SSH2: variants seen among roughly 807,000 people sequenced by gnomAD.
SSH2 encodes the protein slingshot protein phosphatase 2.
SSH2 carries 37 observed loss-of-function variants against 135.2 expected under a neutral mutation model. That is an observed-to-expected ratio of 0.27 (90% CI 0.21 to 0.36). SSH2 has a LOEUF of 0.36. Ranked by LOEUF, SSH2 falls within the 10% of genes least tolerant of loss-of-function variation. The probability of loss-of-function intolerance (pLI) is 1.00; values close to 1 mark genes in which losing one functional copy is unlikely to be tolerated. For missense variants in SSH2, 1,408 were observed against 1,765.3 expected (o/e 0.80, Z 3.63); for synonymous variants, 628 against 646.2 (o/e 0.97, Z 0.43).
At chr17:29,650,171 A>T (rs1352404091) in intron 13 of SSH2, among the ~76,000 whole-genome samples, 5 of 152,270 alleles carry the variant, frequency 3.3e-5, no homozygotes, top group Non-Finnish European at 7.3e-5. Context: ...AATTTAAGGA[A>T]GACATCAACA....
intron 3 of SSH2, among the ~76,000 whole-genome samples, chr17:29,758,088 T>A (rs2041188047): frequency 6.6e-6 from 1 of 151,708 alleles, no homozygotes; most frequent in South Asian, 2.1e-4. Context: ...AAAAAAGAAG[T>A]GGGAAAATAG....
At chr17:29,871,194 T>C (rs74797499) in intron 1 of SSH2, among the ~76,000 whole-genome samples, 25 of 152,182 alleles carry the variant, frequency 1.6e-4, no homozygotes, top group Non-Finnish European at 2.9e-4. Context: ...TTTTTTTTTT[T>C]CTCTTTATTT....
intron 2 of SSH2, among the ~76,000 whole-genome samples, chr17:29,831,396 A>G (rs1017183620): frequency 3.3e-5 from 5 of 152,178 alleles, no homozygotes; most frequent in African/African-American, 1.2e-4. Flanking sequence ...CAAATACAGT[A>G]TTTCCTATAT....
intron 1 of SSH2, among the ~76,000 whole-genome samples, chr17:29,850,412 C>A (rs1308197283): frequency 2.0e-5 from 3 of 152,188 alleles, no homozygotes; most frequent in African/African-American, 7.2e-5. Context: ...TCATGGCTAT[C>A]CTAGTTGATT....
At position 29,636,562 on chromosome 17, in the gene SSH2, G is replaced by A. The variant is rs778749063; in HGVS notation, c.1668C>T (p.Cys556=). ...GAAATTCCCTAGAAGTAAACTCCAA[G>A]CAGATCATTCTTTCTTTGGTACACA... ...KGLCTKERMI[C]LEFTSREFHA... is the part of the protein sequence containing the mutation. Residue 556 remains cysteine (C), a synonymous_variant, in exon 15 of 16, where the codon TGC becomes TGT. Transcript: ENST00000540801. 2.5e-6 allele frequency: 4 copies of A among 1,614,178 alleles called. No homozygotes were observed. The Admixed American group carries it at 6.7e-5, about 27-fold the overall frequency.
At chr17:29,659,729 C>T (rs1215620467) in intron 11 of SSH2, among the ~76,000 whole-genome samples, 6 of 152,160 alleles carry the variant, frequency 3.9e-5, no homozygotes, top group Non-Finnish European at 5.9e-5. Context: ...GGGGTTTCAC[C>T]GTGTTAGCCA....
intron 3 of SSH2, among the ~76,000 whole-genome samples, chr17:29,731,425 A>T (rs2447934): frequency 0.023 from 543 of 23,334 alleles, 4 homozygotes; most frequent in South Asian, 0.029. Flanking sequence ...TTTTTTATTT[A>T]TTTATTTATT....
At chr17:29,804,702 T>C (rs2151318021) in intron 2 of SSH2, among the ~76,000 whole-genome samples, 1 of 152,292 alleles carries the variant, frequency 6.6e-6, no homozygotes, top group Middle Eastern at 3.4e-3. Flanking sequence ...GCCAGGGTCA[T>C]GCTCTGTTGC....
intron 1 of SSH2, among the ~76,000 whole-genome samples, chr17:29,895,288 T>A (rs1378789278): frequency 8.3e-6 from 1 of 120,478 alleles, no homozygotes; most frequent in South Asian, 2.4e-4. Context: ...ATATTTTATA[T>A]ATACATTTTA....
intron 11 of SSH2, among the ~76,000 whole-genome samples, chr17:29,658,864 T>A (rs562638495): frequency 1.9e-5 from 2 of 107,882 alleles, no homozygotes; most frequent in Non-Finnish European, 3.4e-5. Flanking sequence ...CGAAACTCCG[T>A]CTCAAAAAAA....
intron 1 of SSH2, among the ~76,000 whole-genome samples, chr17:29,874,944 C>A (rs1055391330): frequency 1.3e-5 from 2 of 152,054 alleles, no homozygotes; most frequent in African/African-American, 4.8e-5. Context: ...CCCAAGTGAT[C>A]CCATTAGTAC....
chr17:29,801,928 A>G (rs1347374428), intron 2 of SSH2, among the ~76,000 whole-genome samples: 2 of 152,268 alleles, frequency 1.3e-5, no homozygotes, highest in Admixed American at 6.5e-5. Context: ...GCTCAGGAGT[A>G]GCCTGTGGCT....
At chr17:29,708,993 A>T (rs377686632) in intron 3 of SSH2, among the ~76,000 whole-genome samples, 2 of 65,826 alleles carry the variant, frequency 3.0e-5, no homozygotes, top group African/African-American at 5.8e-5. Flanking sequence ...CTAGTTAAGA[A>T]ATATATATAT....
At chr17:29,674,725 C>T (rs538040041) in intron 8 of SSH2, among the ~76,000 whole-genome samples, 10 of 152,146 alleles carry the variant, frequency 6.6e-5, no homozygotes, top group Admixed American at 2.0e-4. Flanking sequence ...TGGGCCACAT[C>T]GGAAGAACTG....
At chr17:29,783,589 C>T (rs955095601) in intron 3 of SSH2, among the ~76,000 whole-genome samples, 1 of 152,020 alleles carries the variant, frequency 6.6e-6, no homozygotes, top group Admixed American at 6.6e-5. Context: ...ATTGTGCCCA[C>T]CAGATTAACT....
intron 1 of SSH2, among the ~76,000 whole-genome samples, chr17:29,853,237 C>A (rs1316539561): frequency 6.6e-6 from 1 of 151,710 alleles, no homozygotes; most frequent in East Asian, 1.9e-4. Flanking sequence ...CAGGTGCACA[C>A]CACAACGACC....
At chr17:29,718,732 C>CAAAAAAAA (rs752148237) in intron 3 of SSH2, among the ~76,000 whole-genome samples, 1 of 77,320 alleles carries the variant, frequency 1.3e-5, no homozygotes, top group Non-Finnish European at 2.4e-5. Flanking sequence ...GATTTCACCT[C>CAAAAAAAA]AAAAAAAAAA....
In SSH2 at chr17:29,821,697, T is replaced by A. The variant is rs571337231; in HGVS notation, c.144+27152A>T. Among the ~76,000 whole-genome samples, 7 of 150,434 alleles carry A rather than the reference T, an allele frequency of 4.7e-5. No individual in the cohort carries two copies. In the South Asian group the frequency reaches 1.5e-3, roughly 32 times the overall value. ...GTCTCGCTCTGTTGCCAGGCTGGAG[T>A]GCAGCGGCGCGATCTCGGCTCACTG... On this transcript the variant is annotated intron_variant, in intron 2 of 15. Transcript: ENST00000540801.
intron 1 of SSH2, among the ~76,000 whole-genome samples, chr17:29,850,725 C>T (rs1004755807): frequency 6.6e-6 from 1 of 152,206 alleles, no homozygotes. Context: ...GTGGCTCACG[C>T]CTATAATCCC....
Sources: gnomAD v4.1 joint callset for allele counts (sites outside exome capture counted in the v4.1 genomes callset) on GRCh38, gnomAD v4.1.1 for gene constraint, MANE v1.5 for transcripts, NCBI Gene and HGNC (gene_info 2026-07-23, HGNC 2026-07-21) for gene names.